EVC2: variants seen among roughly 807,000 people sequenced by gnomAD.
EVC2 encodes limbin.
A neutral mutation model predicts 149.3 loss-of-function variants in EVC2; 148 were observed. That is an observed-to-expected ratio of 0.99 (90% CI 0.87 to 1.14). The LOEUF (loss-of-function observed/expected upper bound fraction) is 1.14. EVC2 is among the 50% of genes most tolerant of loss of function. EVC2 has a pLI of 0.00. For synonymous variants in EVC2, 776 were observed against 649.9 expected, an observed-to-expected ratio of 1.19 and a Z score of -2.95; for missense variants, 1,854 against 1,627.3, an observed-to-expected ratio of 1.14 and a Z score of -2.40.
intron 16 of EVC2, among the ~76,000 whole-genome samples, chr4:5,606,730 G>A (rs1321738625): frequency 6.6e-6 from 1 of 152,148 alleles, no homozygotes; most frequent in Admixed American, 6.5e-5. Flanking sequence ...CATTGAAACA[G>A]CAATTAGAAA....
At chr4:5,665,391 G>A (rs1719199046) in intron 8 of EVC2, 124 bp downstream of exon 8, 1 of 1,452,608 alleles carries the variant, frequency 6.9e-7, no homozygotes, top group Non-Finnish European at 9.6e-7. Context: ...CCCTGGGCAT[G>A]GGTTTTTGTG....
intron 21 of EVC2, among the ~76,000 whole-genome samples, chr4:5,552,177 T>A (rs1478085725): frequency 6.6e-6 from 1 of 152,218 alleles, no homozygotes; most frequent in Non-Finnish European, 1.5e-5. Flanking sequence ...TTTTACATAC[T>A]GACCTTCTAC....
chr4:5,583,860 G>GTTTTTTTACAGT (rs756117517), intron 17 of EVC2, among the ~76,000 whole-genome samples: 2 of 145,734 alleles, frequency 1.4e-5, no homozygotes, highest in Admixed American at 1.4e-4. Flanking sequence ...AAGAAACACA[G>GTTTTTTTACAGT]TTTTTTTTTT....
At chr4:5,601,468 A>C (rs1227019138) in intron 16 of EVC2, among the ~76,000 whole-genome samples, 1 of 151,970 alleles carries the variant, frequency 6.6e-6, no homozygotes, top group East Asian at 1.9e-4. Context: ...ATAAGATAAA[A>C]CTTAGGCTAT....
At chr4:5,587,674 G>A (rs1482889353) in intron 16 of EVC2, among the ~76,000 whole-genome samples, 7 of 152,190 alleles carry the variant, frequency 4.6e-5, no homozygotes, top group Admixed American at 2.0e-4. Context: ...CCTGTCTCAA[G>A]AGCTGAGCTC....
rs76523157 is a variant in EVC2 at position 5,565,356 on chromosome 4, T to A, written c.3561A>T (p.Lys1187Asn). ...CTAAGGCTTGCCACCAGCTCTGGTG[T>A]TTCCTGCAGGCAAGAAGGGAGTCTT... ...AEQADVGRRRKHQSWWQALDG... is the reference protein window; with the variant it reads ...AEQADVGRRRNHQSWWQALDG... Residue 1187 changes from lysine to asparagine, a missense_variant, in exon 21 of 22, where the codon AAA becomes AAT. Physicochemically the swap from Lys to Asn is moderately conservative, Grantham distance 94. Coordinates refer to ENST00000344408, the MANE Select transcript of EVC2 (RefSeq NM_147127.5). 2.5e-6 allele frequency: 4 copies of A among 1,613,988 alleles called. No homozygotes were observed. Among genetic ancestry groups the A allele is most frequent in the Non-Finnish European group, 3.4e-6 (4 of 1,179,934 alleles).
At chr4:5,672,839 T>C (rs1719736006) in intron 7 of EVC2, among the ~76,000 whole-genome samples, 1 of 152,200 alleles carries the variant, frequency 6.6e-6, no homozygotes, top group Non-Finnish European at 1.5e-5. Flanking sequence ...TTCTGGTGCA[T>C]GCTACAACAT....
chr4:5,546,925 G>C (rs1256969554), intron 21 of EVC2, among the ~76,000 whole-genome samples: 2 of 152,140 alleles, frequency 1.3e-5, no homozygotes, highest in African/African-American at 4.8e-5. Flanking sequence ...GAGCTTCCCT[G>C]GTGCAGCCAC....
chr4:5,664,716 C>A (rs939287934), intron 8 of EVC2, among the ~76,000 whole-genome samples: 1 of 152,150 alleles, frequency 6.6e-6, no homozygotes, highest in African/African-American at 2.4e-5. Context: ...GGACTAAGCC[C>A]CAGGGCAGGA....
At chr4:5,539,175 T>G (rs1721469471), downstream of EVC2, among the ~76,000 whole-genome samples, 3 of 152,176 alleles carry the variant, frequency 2.0e-5, 1 homozygote, top group Admixed American at 2.0e-4. Context: ...GAAACTGGAA[T>G]TTTAAAAGGC....
At chr4:5,597,672 C>A (rs7677019) in intron 16 of EVC2, among the ~76,000 whole-genome samples, 1 of 140,864 alleles carries the variant, frequency 7.1e-6, no homozygotes, top group Non-Finnish European at 1.6e-5. Flanking sequence ...CAGGGATGCC[C>A]TCTCTCACCA....
chr4:5,566,156 G>A (rs572674061), intron 20 of EVC2, among the ~76,000 whole-genome samples: 1 of 152,370 alleles, frequency 6.6e-6, no homozygotes, highest in South Asian at 2.1e-4. Context: ...GCTAGGCAGG[G>A]AGCCCTAAAG....
chr4:5,708,150 G>T (rs1224845460), intron 1 of EVC2, 136 bp downstream of exon 1: 1 of 754,780 alleles, frequency 1.3e-6, no homozygotes, highest in Non-Finnish European at 1.9e-6. Context: ...CCTAAGGGCC[G>T]CGAAGCACCC....
At chr4:5,603,902 C>T (rs1714188750) in intron 16 of EVC2, among the ~76,000 whole-genome samples, 1 of 152,222 alleles carries the variant, frequency 6.6e-6, no homozygotes, top group African/African-American at 2.4e-5. Flanking sequence ...GCACAAGAAT[C>T]ACACCAAAGA....
chr4:5,556,833 T>G (rs1173797233), intron 21 of EVC2, among the ~76,000 whole-genome samples: 1 of 152,138 alleles, frequency 6.6e-6, no homozygotes, highest in Non-Finnish European at 1.5e-5. Context: ...GTAACTTAGG[T>G]GAAATGAATG....
chr4:5,648,211 T>G (rs900953418), intron 9 of EVC2, among the ~76,000 whole-genome samples: 1 of 152,228 alleles, frequency 6.6e-6, no homozygotes, highest in African/African-American at 2.4e-5. Context: ...GTGCAATAGA[T>G]TATTGTAAAT....
At chr4:5,691,922 G>A (rs548582621) in intron 3 of EVC2, among the ~76,000 whole-genome samples, 2 of 152,162 alleles carry the variant, frequency 1.3e-5, no homozygotes, top group South Asian at 4.1e-4. Context: ...TTTCCTTTCC[G>A]TTTGACTAAT....
At position 5,625,244 on chromosome 4, in the gene EVC2, A is replaced by G. The variant is rs529687439; in HGVS notation, c.2046+505T>C. Reference sequence around the variant, plus strand: ...TCCCTCTGCACACTCCAGCCTCATCATATTCTTAGAGTCCCCAAATACATG... The same window carrying G: ...TCCCTCTGCACACTCCAGCCTCATCGTATTCTTAGAGTCCCCAAATACATG... On this transcript the variant is annotated intron_variant, in intron 13 of 21. Transcript: ENST00000344408. The surrounding 1 kb of genome is among the most constrained non-coding windows in gnomAD (Gnocchi z 4.0). Among the ~76,000 whole-genome samples the G allele has an allele frequency of 1.3e-5, 2 of 151,666 alleles. No homozygotes were observed. The highest frequency in any genetic ancestry group is 3.9e-4 in the East Asian group (2 of 5,150).
At chr4:5,598,847 T>C (rs1713709292) in intron 16 of EVC2, among the ~76,000 whole-genome samples, 2 of 152,020 alleles carry the variant, frequency 1.3e-5, no homozygotes, top group South Asian at 2.1e-4. Flanking sequence ...ATCCAGAATC[T>C]ACAATGAACT....
Sources: allele counts gnomAD v4.1 joint callset (sites outside exome capture counted in the v4.1 genomes callset), GRCh38; gene constraint gnomAD v4.1.1; non-coding constraint Gnocchi (gnomAD v3.1); transcripts MANE v1.5; gene names NCBI Gene and HGNC (gene_info 2026-07-23, HGNC 2026-07-21).